Variants in NPM1 observed in about 807,000 individuals in gnomAD.
NPM1 encodes nucleophosmin 1, also known as nucleophosmin.
A neutral mutation model predicts 44.1 loss-of-function variants in NPM1; 1 was observed. That is an observed-to-expected ratio of 0.02 (90% CI 0.01 to 0.11). The LOEUF (loss-of-function observed/expected upper bound fraction) is 0.11. Among genes scored for constraint, NPM1 ranks in the 10% least tolerant of loss-of-function variants. The pLI is 1.00. For synonymous variants in NPM1, 126 were observed against 111.8 expected (o/e 1.13, Z -0.80); for missense variants, 197 against 347.8 (o/e 0.57, Z 3.45).
At chr5:171,397,004 GC>G (rs1490461907) in intron 6 of NPM1, among the ~76,000 whole-genome samples, 7 of 152,146 alleles carry the variant, frequency 4.6e-5, no homozygotes, top group Non-Finnish European at 1.0e-4. Flanking sequence ...GTTTTAGTAT[GC>G]ATAGTTGTGT....
chr5:171,403,648 C>A (rs1158651986), intron 8 of NPM1, among the ~76,000 whole-genome samples: 13 of 135,978 alleles, frequency 9.6e-5, no homozygotes, highest in Non-Finnish European at 1.5e-4. Context: ...TGACCCCCCC[C>A]ACCTCCCTCC....
At chr5:171,397,550 T>C (rs1280909676) in intron 6 of NPM1, among the ~76,000 whole-genome samples, 1 of 152,234 alleles carries the variant, frequency 6.6e-6, no homozygotes, top group Admixed American at 6.5e-5. Flanking sequence ...TCTTTTCATG[T>C]ATTCATTGGC....
intron 8 of NPM1, among the ~76,000 whole-genome samples, chr5:171,404,784 C>T (rs1771474595): frequency 1.3e-5 from 2 of 150,384 alleles, no homozygotes; most frequent in African/African-American, 2.4e-5. Context: ...CCAAGGCAGG[C>T]GGCTGGGAGG....
chr5:171,398,604 C>T (rs2113220514), intron 6 of NPM1, among the ~76,000 whole-genome samples: 1 of 152,190 alleles, frequency 6.6e-6, no homozygotes, highest in South Asian at 2.1e-4. Flanking sequence ...AACCCTGTCT[C>T]TACTAAAAAT....
chr5:171,397,427 C>T (rs530799456), intron 6 of NPM1, among the ~76,000 whole-genome samples: 1 of 152,180 alleles, frequency 6.6e-6, no homozygotes, highest in African/African-American at 2.4e-5. Context: ...TGATTTCACT[C>T]CAACCTACTG....
rs547622295 is a variant in NPM1 at position 171,409,870 on chromosome 5, C to G, written c.847-657C>G. Among the ~76,000 whole-genome samples, 4 of 150,922 alleles carry G rather than the reference C, an allele frequency of 2.7e-5. No homozygotes were observed. In the East Asian group the frequency reaches 5.9e-4, roughly 22 times the overall value. On this transcript the variant is annotated intron_variant, in intron 10 of 10. Coordinates refer to ENST00000296930, the MANE Select transcript of NPM1 (RefSeq NM_002520.7). ...CCATCTGTAGTGTGATCTTGGCTCA[C>G]TGCAACCTCTGCCTCTTGGGCTCAG... is the stretch of plus-strand genomic sequence containing the variant.
chr5:171,402,206 AACAG>A (rs1315127555), intron 8 of NPM1, among the ~76,000 whole-genome samples: 1 of 150,878 alleles, frequency 6.6e-6, no homozygotes, highest in Non-Finnish European at 1.5e-5. Context: ...AAAGGACATA[AACAG>A]ACACTTTTCA....
intron 10 of NPM1, among the ~76,000 whole-genome samples, chr5:171,409,828 GTTT>G (rs1311507589): frequency 2.8e-4 from 1 of 3,538 alleles, no homozygotes; most frequent in Admixed American, 4.3e-3. Context: ...TTGTTGGTTT[GTTT>G]TTTGTTTTGG....
At chr5:171,403,778 CA>C (rs1771392833) in intron 8 of NPM1, among the ~76,000 whole-genome samples, 1 of 127,312 alleles carries the variant, frequency 7.9e-6, no homozygotes. Context: ...GCTGGCCGGG[CA>C]GAGGGGCTCC....
At chr5:171,403,104 TAAAC>T (rs1454663926) in intron 8 of NPM1, among the ~76,000 whole-genome samples, 2 of 115,270 alleles carry the variant, frequency 1.7e-5, no homozygotes, top group Non-Finnish European at 3.6e-5. Flanking sequence ...GGTCAGCAGA[TAAAC>T]AAGTGAACAA....
At chr5:171,391,677 T>A in intron 3 of NPM1, 29 bp from the exon 4 acceptor site, 1 of 1,409,044 alleles carries the variant, frequency 7.1e-7, no homozygotes, top group East Asian at 2.3e-5. Context: ...TCTTCACATG[T>A]TTAGTGATGA....
intron 8 of NPM1, among the ~76,000 whole-genome samples, chr5:171,401,253 G>A (rs1049767430): frequency 3.3e-5 from 5 of 152,010 alleles, no homozygotes; most frequent in Non-Finnish European, 7.4e-5. Context: ...ACCTACTCAG[G>A]AGGTGGAGAC....
intron 6 of NPM1, among the ~76,000 whole-genome samples, chr5:171,396,896 C>T (rs1201549930): frequency 6.6e-6 from 1 of 152,090 alleles, no homozygotes; most frequent in African/African-American, 2.4e-5. Context: ...TTGCTTGAAC[C>T]CGGGAGGCGG....
intron 6 of NPM1, among the ~76,000 whole-genome samples, chr5:171,396,714 T>G (rs1348079292): frequency 6.6e-6 from 1 of 152,106 alleles, no homozygotes; most frequent in Non-Finnish European, 1.5e-5. Flanking sequence ...CTATTAACAG[T>G]TCACACCTGT....
rs1273042283 is a variant in NPM1 at position 171,395,086 on chromosome 5, A to G, written c.524+2108A>G. On this transcript the variant is annotated intron_variant, in intron 6 of 10. Transcript: ENST00000296930. ...TCCCAGTTACTTAGGAGGTTGAGTC[A>G]GGAGAATTGCTTGAACCTGGGAGGT... 2.6e-5 allele frequency among the ~76,000 whole-genome samples: 4 copies of G among 152,170 alleles called. No individual in the cohort carries two copies. In the South Asian group the frequency reaches 6.2e-4, roughly 24 times the overall value.
intron 10 of NPM1, among the ~76,000 whole-genome samples, chr5:171,410,061 G>A (rs541124939): frequency 1.3e-5 from 2 of 152,216 alleles, no homozygotes; most frequent in African/African-American, 4.8e-5. Flanking sequence ...CTCCCAAAGT[G>A]TAGGGATTAC....
chr5:171,395,341 C>G (rs957670201), intron 6 of NPM1, among the ~76,000 whole-genome samples: 1 of 151,668 alleles, frequency 6.6e-6, no homozygotes, highest in African/African-American at 2.4e-5. Context: ...CTCTTGTGCC[C>G]CAGGCTGGTG....
At chr5:171,406,293 G>C in intron 9 of NPM1, 1 of 997,386 alleles carries the variant, frequency 1.0e-6, no homozygotes, top group Non-Finnish European at 1.6e-6. Context: ...AGCCTTCCTG[G>C]TTATCACTGA....
chr5:171,391,194 C>G, intron 2 of NPM1, 111 bp from the exon 3 acceptor site: 1 of 1,241,836 alleles, frequency 8.1e-7, no homozygotes, highest in Non-Finnish European at 1.1e-6. Flanking sequence ...ACACATTTCT[C>G]AGAACCTAGC....
Sources: allele counts gnomAD v4.1 joint callset (sites outside exome capture counted in the v4.1 genomes callset), GRCh38; gene constraint gnomAD v4.1.1; transcripts MANE v1.5; gene names NCBI Gene and HGNC (gene_info 2026-07-23, HGNC 2026-07-21).